The following WARS2 variants were observed in gnomAD, a reference collection of about 807,000 sequenced individuals.
The protein encoded by WARS2 is tryptophanyl tRNA synthetase 2, mitochondrial.
A neutral mutation model predicts 36.5 loss-of-function variants in WARS2; 28 were observed. That is an observed-to-expected ratio of 0.77 (90% CI 0.57 to 1.05). The LOEUF (loss-of-function observed/expected upper bound fraction) is 1.05. Among genes scored for constraint, WARS2 ranks in the 50% least tolerant of loss-of-function variants. The pLI is 0.00. For missense variants in WARS2, 435 were observed against 456.8 expected (o/e 0.95, Z 0.44); for synonymous variants, 174 against 178.4 (o/e 0.98, Z 0.20).
At chr1:119,122,271 G>A (rs1255550257) in intron 1 of WARS2, among the ~76,000 whole-genome samples, 2 of 151,996 alleles carry the variant, frequency 1.3e-5, no homozygotes, top group Non-Finnish European at 2.9e-5. Flanking sequence ...ATATACAAAC[G>A]GCCAACAAGC....
chr1:119,076,683 A>ATGGGAGCT, intron 1 of WARS2, 76 bp from the exon 2 acceptor site: 1 of 1,567,240 alleles, frequency 6.4e-7, no homozygotes, highest in Non-Finnish European at 8.6e-7. Context: ...TATCATAGCT[A>ATGGGAGCT]TGGGAGCTAG....
At chr1:119,140,521 G>A (rs1375307988) in intron 1 of WARS2, 34 bp downstream of exon 1, 2 of 1,598,760 alleles carry the variant, frequency 1.3e-6, no homozygotes, top group Middle Eastern at 1.7e-4. Flanking sequence ...TCGCGGGATG[G>A]GAAGCCGCGG....
intron 1 of WARS2, among the ~76,000 whole-genome samples, chr1:119,100,179 A>G (rs1653757886): frequency 6.6e-6 from 1 of 152,208 alleles, no homozygotes; most frequent in Non-Finnish European, 1.5e-5. Context: ...AAGACATGAA[A>G]ATGGCAAACA....
intron 2 of WARS2, among the ~76,000 whole-genome samples, chr1:119,057,738 C>T (rs35986987): frequency 0.03 from 4,469 of 151,176 alleles, 93 homozygotes; most frequent in Middle Eastern, 0.058. Context: ...TTCAGTGAGC[C>T]GAGATCCCAC....
chr1:119,087,451 A>G (rs897386394), intron 1 of WARS2, among the ~76,000 whole-genome samples: 2 of 152,204 alleles, frequency 1.3e-5, no homozygotes, highest in Non-Finnish European at 2.9e-5. Context: ...GGTTCTTTGA[A>G]ACTCAGAAAT....
intron 1 of WARS2, among the ~76,000 whole-genome samples, chr1:119,078,086 G>A (rs1265258646): frequency 1.3e-5 from 2 of 152,190 alleles, no homozygotes; most frequent in African/African-American, 4.8e-5. Flanking sequence ...GATTTAACTA[G>A]ATTGCCCATG....
At chr1:119,079,098 T>C (rs1004236073) in intron 1 of WARS2, among the ~76,000 whole-genome samples, 6 of 152,220 alleles carry the variant, frequency 3.9e-5, no homozygotes, top group African/African-American at 1.4e-4. Flanking sequence ...TTTTTTCCTA[T>C]ATGAATATCT....
intron 1 of WARS2, among the ~76,000 whole-genome samples, chr1:119,100,443 T>C (rs1330123087): frequency 6.6e-6 from 1 of 152,184 alleles, no homozygotes; most frequent in African/African-American, 2.4e-5. Flanking sequence ...CTAGTGGGTA[T>C]CTGCCCAAAG....
chr1:119,033,105 T>C lies in WARS2; in HGVS notation c.889A>G (p.Met297Val), dbSNP rs755573135. ...GCCAGCTTGTAGCGAGCAGTGTTCA[T>C]GCCCGCGCTGCGGCGCACCACTTCC... is the stretch of plus-strand genomic sequence containing the variant. ...VEEVVRRSAG[M>V]NTARYKLAVA... Residue 297 changes from methionine (M) to valine (V), a missense_variant, in exon 6 of 6, where the codon ATG becomes GTG. Met to Val is a conservative substitution (Grantham distance 21). Transcript: ENST00000235521. 5 of 1,614,240 alleles carry C rather than the reference T, an allele frequency of 3.1e-6. No individual in the cohort carries two copies. The highest frequency in any genetic ancestry group is 1.6e-4 in the Middle Eastern group (1 of 6,062).
In WARS2 at chr1:119,042,258, TCTTA is replaced by T; in HGVS notation, c.515+2_515+5del. The T allele has an allele frequency of 6.2e-7, 1 of 1,613,682 alleles. No individual in the cohort carries two copies. Among genetic ancestry groups the T allele is most frequent in the South Asian group, 1.1e-5 (1 of 91,064 alleles). On this transcript the variant is annotated splice_donor_variant and splice_donor_5th_base_variant and intron_variant, in intron 4 of 5. Coordinates refer to ENST00000235521, the MANE Select transcript of WARS2 (RefSeq NM_015836.4). LOFTEE classifies it high-confidence loss of function. ...TGTATAAGACTGGGCTGAACTCTCT[TCTTA>T]CTTGTACAACAGAATGTCGGCTGCC... is the stretch of plus-strand genomic sequence containing the variant.
At chr1:119,046,401 T>C (rs921387369) in intron 2 of WARS2, among the ~76,000 whole-genome samples, 10 of 150,448 alleles carry the variant, frequency 6.6e-5, no homozygotes, top group Non-Finnish European at 1.0e-4. Flanking sequence ...CAGGCTGCAG[T>C]GCAGTGGTGT....
At chr1:119,074,787 T>C (rs587667969) in intron 2 of WARS2, among the ~76,000 whole-genome samples, 19 of 152,300 alleles carry the variant, frequency 1.2e-4, no homozygotes, top group South Asian at 2.1e-4. Flanking sequence ...ATATACACTA[T>C]GGAATACTAC....
intron 1 of WARS2, among the ~76,000 whole-genome samples, chr1:119,133,121 G>A (rs1656234452): frequency 6.6e-6 from 1 of 152,142 alleles, no homozygotes; most frequent in African/African-American, 2.4e-5. Context: ...TGTATAAACA[G>A]AACTTCCTAC....
At chr1:119,050,783 C>T (rs899818005) in intron 2 of WARS2, among the ~76,000 whole-genome samples, 8 of 151,872 alleles carry the variant, frequency 5.3e-5, no homozygotes, top group Admixed American at 4.6e-4. Context: ...CATCGAATTA[C>T]ACATGAAAAC....
At chr1:119,069,939 T>C (rs1231729572) in intron 2 of WARS2, among the ~76,000 whole-genome samples, 2 of 152,118 alleles carry the variant, frequency 1.3e-5, no homozygotes, top group Non-Finnish European at 2.9e-5. Context: ...GAAGGGTATG[T>C]AGGCAGGGGA....
At chr1:119,049,211 C>T (rs1649130977) in intron 2 of WARS2, among the ~76,000 whole-genome samples, 1 of 152,184 alleles carries the variant, frequency 6.6e-6, no homozygotes, top group South Asian at 2.1e-4. Context: ...GGGCCACTGA[C>T]GGGCGGAACG....
At position 119,042,334 on chromosome 1, in the gene WARS2, G is replaced by A; in HGVS notation, c.445C>T (p.Gln149Ter). ...AGGCCCACCGTGCCATCGTGCTTCT[G>A]CTTGGTAGTCTTTGCCTGTGAGAGG... ...LHQWKAKTTKQKHDGTVGLLT... is the reference protein window; with the variant it reads ...LHQWKAKTTK The change falls in exon 4 of 6, where the codon CAG (glutamine) becomes TAG (stop). Residue 149 changes from glutamine (Q) to a stop codon, truncating the protein, a stop_gained. Coordinates refer to ENST00000235521, the MANE Select transcript of WARS2 (RefSeq NM_015836.4). LOFTEE classifies it high-confidence loss of function. 6.2e-7 allele frequency: 1 copy of A among 1,613,790 alleles called. No homozygotes were observed. The highest frequency in any genetic ancestry group is 8.5e-7 in the Non-Finnish European group (1 of 1,179,832).
chr1:119,124,438 C>A (rs908960425), intron 1 of WARS2, among the ~76,000 whole-genome samples: 1 of 151,894 alleles, frequency 6.6e-6, no homozygotes. Context: ...TGCAGTGAGC[C>A]GAGATAGTGC....
At chr1:119,135,761 G>GAGAGAC (rs71920387) in intron 1 of WARS2, among the ~76,000 whole-genome samples, 1 of 87,080 alleles carries the variant, frequency 1.1e-5, no homozygotes, top group African/African-American at 4.3e-5. Context: ...TAGAGAGATA[G>GAGAGAC]AGAGAGAGAG....
Sources: gnomAD v4.1 joint callset for allele counts (sites outside exome capture counted in the v4.1 genomes callset) on GRCh38, gnomAD v4.1.1 for gene constraint, MANE v1.5 for transcripts, NCBI Gene and HGNC (gene_info 2026-07-23, HGNC 2026-07-21) for gene names.